The following COLEC10 variants were observed in gnomAD, a reference collection of about 807,000 sequenced individuals.
COLEC10 encodes the protein collectin-10.
Under a neutral mutation model 28.4 loss-of-function variants are expected in COLEC10, and 22 were observed. The ratio of observed to expected loss-of-function variants is 0.78; its 90% CI spans 0.55 to 1.11. The LOEUF is 1.11. COLEC10 is among the 50% of genes least tolerant of loss of function. The pLI is 0.00. For synonymous variants in COLEC10, 125 were observed against 116.1 expected (o/e 1.08, Z -0.49); for missense variants, 361 against 344.1 (o/e 1.05, Z -0.39).
chr8:119,089,608 C>T (rs776707304), intron 1 of COLEC10, 72 bp from the exon 2 acceptor site: 2 of 1,243,984 alleles, frequency 1.6e-6, no homozygotes, highest in South Asian at 2.5e-5. Flanking sequence ...ACCATGTCCA[C>T]CTTACCCTGG....
intron 3 of COLEC10, among the ~76,000 whole-genome samples, chr8:119,095,595 G>A (rs946644147): frequency 6.6e-6 from 1 of 152,076 alleles, no homozygotes; most frequent in African/African-American, 2.4e-5. Context: ...CTAGCTACTT[G>A]GAAGACTGAG....
intron 3 of COLEC10, among the ~76,000 whole-genome samples, chr8:119,096,591 AAAAAT>A (rs1045468163): frequency 6.6e-6 from 1 of 152,080 alleles, no homozygotes; most frequent in Non-Finnish European, 1.5e-5. Context: ...ACTGCATCTC[AAAAAT>A]AAAATAAAAT....
At chr8:119,027,342 A>G (rs1411631014) in intron 2 of COLEC10, among the ~76,000 whole-genome samples, 1 of 152,160 alleles carries the variant, frequency 6.6e-6, no homozygotes, top group Non-Finnish European at 1.5e-5. Context: ...TCTTTTATAT[A>G]TATTTCATAT....
At chr8:118,984,307 G>T in the COLEC10 span, among the ~76,000 whole-genome samples, 4 of 152,136 alleles carry the variant, frequency 2.6e-5, no homozygotes, top group South Asian at 8.3e-4. Flanking sequence ...ACTAAGAAGG[G>T]AAAAACAGAC....
intron 1 of COLEC10, among the ~76,000 whole-genome samples, chr8:119,071,693 C>T (rs558991894): frequency 6.6e-6 from 1 of 152,222 alleles, no homozygotes; most frequent in African/African-American, 2.4e-5. Context: ...GGAGTGCAAG[C>T]TTCCCGAATG....
At chr8:119,095,708 A>AAAAACAAAGC (rs376856204) in intron 3 of COLEC10, among the ~76,000 whole-genome samples, 6 of 152,332 alleles carry the variant, frequency 3.9e-5, no homozygotes, top group African/African-American at 1.4e-4. Flanking sequence ...TCTCAAAACA[A>AAAAACAAAGC]AAAACAAAGC....
At chr8:118,993,153 G>A (rs1268430570), upstream of COLEC10, among the ~76,000 whole-genome samples, 1 of 152,144 alleles carries the variant, frequency 6.6e-6, no homozygotes, top group Non-Finnish European at 1.5e-5. Flanking sequence ...TTCCTAGGGT[G>A]TCCTTAACAA....
the COLEC10 span, among the ~76,000 whole-genome samples, chr8:118,967,968 G>A: frequency 2.0e-5 from 3 of 152,018 alleles, no homozygotes; most frequent in African/African-American, 7.2e-5. Context: ...TATCCAATAA[G>A]AAGATTAAGA....
intron 2 of COLEC10, among the ~76,000 whole-genome samples, chr8:119,021,863 T>C (rs1335011160): frequency 1.3e-5 from 2 of 152,158 alleles, no homozygotes; most frequent in African/African-American, 4.8e-5. Context: ...TGCTCCTCTG[T>C]ACAATGCAGC....
chr8:119,106,284 C>A lies in COLEC10; in HGVS notation c.*93C>A, dbSNP rs1815941950. 3 of 1,338,216 alleles carry A rather than the reference C, an allele frequency of 2.2e-6. No homozygotes were observed. Among genetic ancestry groups the A allele is most frequent in the Non-Finnish European group, 3.1e-6 (3 of 973,906 alleles). The allele number at this position is 1,338,216 out of a possible 1,614,324, so 82.9% of individuals were successfully genotyped here. On this transcript the variant is annotated 3_prime_UTR_variant, in exon 6 of 6. Transcript: ENST00000332843. ...TTTTCCTGATTGTACTACATTTGAT[C>A]TGAGTCAACATAGCTAGAAAATGCT... is the stretch of plus-strand genomic sequence containing the variant.
Position 119,106,641 on chromosome 8 carries a change from G to C in COLEC10, c.*450G>C, listed in dbSNP as rs1455285714. On this transcript the variant is annotated 3_prime_UTR_variant, in exon 6 of 6. Coordinates refer to ENST00000332843, the MANE Select transcript of COLEC10 (RefSeq NM_006438.5). The stretch of plus-strand genomic sequence containing the variant: ...TGTACAAGGGCTTTCTGTGAGCAAT[G>C]ATAAGATCTTTGAATCCAAGATGCC... 3.2e-5 allele frequency: 5 copies of C among 158,452 alleles called. No individual in the cohort carries two copies. Among genetic ancestry groups the C allele is most frequent in the Admixed American group, 1.8e-4 (3 of 16,840 alleles). 9.8% of individuals were successfully genotyped at this position (158,452 alleles called of 1,614,324 possible).
intron 2 of COLEC10, among the ~76,000 whole-genome samples, chr8:119,040,160 T>A (rs537326294): frequency 3.3e-4 from 51 of 152,338 alleles, no homozygotes; most frequent in African/African-American, 1.2e-3. Context: ...AACAGATGTA[T>A]TCTCCTTTCT....
At chr8:119,024,280 G>A (rs1814149062) in intron 2 of COLEC10, among the ~76,000 whole-genome samples, 1 of 151,996 alleles carries the variant, frequency 6.6e-6, no homozygotes, top group South Asian at 2.1e-4. Flanking sequence ...TTTGAAGAAA[G>A]GCTTTAAGGA....
chr8:119,090,582 G>A (rs934557387), intron 2 of COLEC10, among the ~76,000 whole-genome samples: 2 of 152,130 alleles, frequency 1.3e-5, no homozygotes, highest in Non-Finnish European at 2.9e-5. Context: ...TTTTTAATTG[G>A]CAAATATTTT....
intron 2 of COLEC10, among the ~76,000 whole-genome samples, chr8:119,043,380 C>T (rs1375603192): frequency 2.0e-5 from 3 of 152,164 alleles, no homozygotes; most frequent in African/African-American, 7.2e-5. Flanking sequence ...GAAGCTGAGT[C>T]AAATAGGAAA....
intron 3 of COLEC10, among the ~76,000 whole-genome samples, chr8:119,091,595 G>GAGAGAAAGAAAGAA (rs1250359009): frequency 2.2e-4 from 31 of 138,562 alleles, no homozygotes; most frequent in African/African-American, 8.1e-4. Context: ...GAGAGAGAGA[G>GAGAGAAAGAAAGAA]AGAAAGAAAG....
intron 1 of COLEC10, among the ~76,000 whole-genome samples, chr8:119,070,803 A>G (rs1055621435): frequency 1.3e-5 from 2 of 152,020 alleles, no homozygotes; most frequent in South Asian, 2.1e-4. Flanking sequence ...AAAACATGTT[A>G]AAAAATGATT....
chr8:118,990,431 A>T, the COLEC10 span, among the ~76,000 whole-genome samples: 7,429 of 152,260 alleles, frequency 0.049, 282 homozygotes, highest in East Asian at 0.17. Context: ...ACTAAAAGCC[A>T]CTAAATAGAT....
In COLEC10 at chr8:119,098,849, G is replaced by A. The variant is rs550859346; in HGVS notation, c.293-3499G>A. The stretch of plus-strand genomic sequence containing the variant: ...TTTTTAAATGGAGATGCAATGTTCC[G>A]TCTCACTCGGATTAATTTCATTTTT... On this transcript the variant is annotated intron_variant, in intron 3 of 5. Coordinates refer to ENST00000332843, the MANE Select transcript of COLEC10 (RefSeq NM_006438.5). Among the ~76,000 whole-genome samples, 21 of 152,022 alleles carry A rather than the reference G, an allele frequency of 1.4e-4. 1 individual carries two copies. In the South Asian group the frequency reaches 1.7e-3, roughly 12 times the overall value.
Sources: gnomAD v4.1 joint callset for allele counts (sites outside exome capture counted in the v4.1 genomes callset) on GRCh38, gnomAD v4.1.1 for gene constraint, MANE v1.5 for transcripts, NCBI Gene and HGNC (gene_info 2026-07-23, HGNC 2026-07-21) for gene names.